THRB: variants seen among roughly 807,000 people sequenced by gnomAD.
The protein encoded by THRB is nuclear receptor subfamily 1 group A member 2.
Under a neutral mutation model 47.8 loss-of-function variants are expected in THRB, and 12 were observed. The observed-to-expected ratio is 0.25, with a 90% CI of 0.16 to 0.41. THRB has a LOEUF of 0.41. Ranked by LOEUF, THRB falls within the 10% of genes least tolerant of loss-of-function variation. The probability of loss-of-function intolerance (pLI) is 1.00; values close to 1 mark genes in which losing one functional copy is unlikely to be tolerated. For missense variants in THRB, 348 were observed against 589.2 expected (o/e 0.59, Z 4.24); for synonymous variants, 218 against 212.2 (o/e 1.03, Z -0.24).
intron 4 of THRB, among the ~76,000 whole-genome samples, chr3:24,201,643 G>T (rs1262230726): frequency 6.6e-6 from 1 of 152,208 alleles, no homozygotes; most frequent in Non-Finnish European, 1.5e-5. Context: ...TAAGAGCCAT[G>T]ATTTTCCTAT....
intron 5 of THRB, among the ~76,000 whole-genome samples, chr3:24,158,685 C>G (rs2038283269): frequency 6.6e-6 from 1 of 152,356 alleles, no homozygotes; most frequent in Non-Finnish European, 1.5e-5. Flanking sequence ...CTGCCTCGGC[C>G]TCCCAAGGTG....
intron 3 of THRB, among the ~76,000 whole-genome samples, chr3:24,291,417 C>T (rs1458692016): frequency 1.3e-5 from 2 of 152,130 alleles, no homozygotes; most frequent in Non-Finnish European, 2.9e-5. Flanking sequence ...GTCCATTGTC[C>T]CTTGGCATCT....
intron 3 of THRB, among the ~76,000 whole-genome samples, chr3:24,283,743 A>G (rs2054903901): frequency 6.6e-6 from 1 of 151,756 alleles, no homozygotes; most frequent in African/African-American, 2.4e-5. Context: ...AAGTCTCAGG[A>G]TACAAAATCA....
At chr3:24,494,122 C>G (rs1698637209) in intron 1 of THRB, 3 of 152,898 alleles carry the variant, frequency 2.0e-5, no homozygotes, top group African/African-American at 7.2e-5. Context: ...ACGCCAACAT[C>G]CAGGATAATT....
intron 1 of THRB, among the ~76,000 whole-genome samples, chr3:24,417,136 A>ACGTG (rs1266327703): frequency 2.6e-5 from 4 of 151,240 alleles, no homozygotes; most frequent in African/African-American, 4.9e-5. Flanking sequence ...ACACACACAC[A>ACGTG]CACGCGCAAC....
At chr3:24,225,540 AG>A (rs2047570213) in intron 4 of THRB, among the ~76,000 whole-genome samples, 1 of 152,210 alleles carries the variant, frequency 6.6e-6, no homozygotes, top group Non-Finnish European at 1.5e-5. Context: ...TCATACAGCC[AG>A]GTTCAGCGCA....
intron 1 of THRB, among the ~76,000 whole-genome samples, chr3:24,434,535 A>G (rs1046792306): frequency 1.3e-5 from 2 of 152,226 alleles, no homozygotes; most frequent in Non-Finnish European, 2.9e-5. Flanking sequence ...ATGACTGTGA[A>G]AAGGCTTTGC....
intron 3 of THRB, among the ~76,000 whole-genome samples, chr3:24,234,608 T>A (rs2048679091): frequency 6.6e-6 from 1 of 152,168 alleles, no homozygotes; most frequent in Non-Finnish European, 1.5e-5. Context: ...GAATTACTCA[T>A]GGAGCCCACT....
intron 4 of THRB, among the ~76,000 whole-genome samples, chr3:24,211,348 C>G (rs964873071): frequency 6.6e-6 from 1 of 152,134 alleles, no homozygotes; most frequent in Non-Finnish European, 1.5e-5. Flanking sequence ...TGGTATTGAT[C>G]ACAATTGCTT....
intron 3 of THRB, among the ~76,000 whole-genome samples, chr3:24,288,064 A>G (rs1325118016): frequency 6.6e-6 from 1 of 152,222 alleles, no homozygotes; most frequent in Non-Finnish European, 1.5e-5. Context: ...TACCAGTAGC[A>G]CCTGATACGT....
intron 6 of THRB, among the ~76,000 whole-genome samples, chr3:24,148,691 T>C (rs1474790815): frequency 1.3e-5 from 2 of 152,196 alleles, no homozygotes; most frequent in Non-Finnish European, 2.9e-5. Flanking sequence ...TTAATGTTCT[T>C]TGGCTTTGAT....
At chr3:24,327,538 C>T (rs2061674230) in intron 2 of THRB, among the ~76,000 whole-genome samples, 1 of 152,178 alleles carries the variant, frequency 6.6e-6, no homozygotes. Context: ...ATACTAAGCA[C>T]CTACTATGTG....
At chr3:24,295,753 C>T (rs1366898007) in intron 3 of THRB, among the ~76,000 whole-genome samples, 1 of 152,118 alleles carries the variant, frequency 6.6e-6, no homozygotes, top group Non-Finnish European at 1.5e-5. Context: ...CAGGTCTAGG[C>T]CAACTATGTA....
intron 2 of THRB, among the ~76,000 whole-genome samples, chr3:24,336,825 C>G (rs1456264762): frequency 1.3e-5 from 2 of 151,664 alleles, no homozygotes; most frequent in African/African-American, 4.8e-5. Context: ...GGGTTCACAC[C>G]ATTCTCCTGC....
intron 2 of THRB, among the ~76,000 whole-genome samples, chr3:24,308,513 T>G (rs1442660734): frequency 1.3e-5 from 2 of 152,202 alleles, no homozygotes; most frequent in Non-Finnish European, 1.5e-5. Context: ...CATTCTGGAA[T>G]GAATGAAATC....
chr3:24,426,376 C>T (rs1265947819), intron 1 of THRB, among the ~76,000 whole-genome samples: 1 of 151,884 alleles, frequency 6.6e-6, no homozygotes, highest in African/African-American at 2.4e-5. Flanking sequence ...CCAGGACATA[C>T]TCTGGAAATG....
At chr3:24,439,537 T>A (rs2071320224) in intron 1 of THRB, among the ~76,000 whole-genome samples, 1 of 152,206 alleles carries the variant, frequency 6.6e-6, no homozygotes, top group Non-Finnish European at 1.5e-5. Context: ...TATATGTTGA[T>A]GCCTTTCAGT....
At chr3:24,221,458 A>G (rs2150007290) in intron 4 of THRB, among the ~76,000 whole-genome samples, 1 of 152,290 alleles carries the variant, frequency 6.6e-6, no homozygotes, top group South Asian at 2.1e-4. Flanking sequence ...CAGGGCTTGC[A>G]GGAGACTGAG....
At chr3:24,144,648 A>G (rs1039486251) in intron 7 of THRB, 1 of 152,188 alleles carries the variant, frequency 6.6e-6, no homozygotes, top group East Asian at 1.9e-4. Flanking sequence ...CTTGGTAACT[A>G]TCAATGGAAT....
Sources: allele counts gnomAD v4.1 joint callset (sites outside exome capture counted in the v4.1 genomes callset), GRCh38; gene constraint gnomAD v4.1.1; transcripts MANE v1.5; gene names NCBI Gene and HGNC (gene_info 2026-07-23, HGNC 2026-07-21).